The following GIGYF1 variants were observed in gnomAD, a reference collection of about 807,000 sequenced individuals.
GIGYF1 encodes the protein GRB10-interacting GYF protein 1.
Under a neutral mutation model 147.1 loss-of-function variants are expected in GIGYF1, and 84 were observed. The ratio of observed to expected loss-of-function variants is 0.57; its 90% CI spans 0.48 to 0.68. The LOEUF (loss-of-function observed/expected upper bound fraction) is 0.68, where lower values mean the gene tolerates loss of function less well. GIGYF1 is among the 30% of genes least tolerant of loss of function. The pLI is 0.00. For missense variants in GIGYF1, 1,485 were observed against 1,393.7 expected (o/e 1.07, Z -1.04); for synonymous variants, 752 against 589.5 (o/e 1.28, Z -3.99).
chr7:100,686,665 C>G lies in GIGYF1; in HGVS notation c.678G>C (p.Trp226Cys). 6.2e-7 allele frequency: 1 copy of G among 1,612,218 alleles called. No homozygotes were observed. The highest frequency in any genetic ancestry group is 1.7e-5 in the Admixed American group (1 of 59,900). The change falls in exon 10 of 27, where the codon TGG becomes TGC. Residue 226 changes from tryptophan (W) to cysteine (C), a missense_variant. By Grantham distance (215) the Trp-to-Cys change is radical (BLOSUM62 -2). Coordinates refer to ENST00000678049, the MANE Select transcript of GIGYF1 (RefSeq NM_001375765.1). ...GAGPRRDGDR[W>C]RSASPDGGPR... is the part of the protein sequence containing the mutation. ...CAATCTCACCAGGGCTGGCGGAGCGCCAGCGGTCGCCGTCTCGCCGGGGCC... is the reference window on the plus strand; with the variant it reads ...CAATCTCACCAGGGCTGGCGGAGCGGCAGCGGTCGCCGTCTCGCCGGGGCC...
Position 100,689,875 on chromosome 7 carries a change from C to G in GIGYF1, c.-1098-320G>C, listed in dbSNP as rs78150911. On this transcript the variant is annotated intron_variant, in intron 1 of 26. Coordinates refer to ENST00000678049, the MANE Select transcript of GIGYF1 (RefSeq NM_001375765.1). ...GGACATCACGCTAAGAGAAACACAC[C>G]AGCCAAAAAAGGAGAGCTACCCCTT... Among the ~76,000 whole-genome samples the G allele has an allele frequency of 7.2e-3, 1,091 of 152,206 alleles. 31 individuals carry two copies. In the East Asian group the frequency reaches 0.097, roughly 13 times the overall value.
rs1352959251 is a variant in GIGYF1 at position 100,690,960 on chromosome 7, CAG to C, written c.-1098-1407_-1098-1406del. ...CAGACTGAGGACAGCGACACCAAGA[CAG>C]GGGAGAGAGCAGGCCCAGAGCAGGA... On this transcript the variant is annotated intron_variant, in intron 1 of 26. Transcript: ENST00000678049. 4.6e-5 allele frequency among the ~76,000 whole-genome samples: 7 copies of C among 152,008 alleles called. No individual in the cohort carries two copies. In the East Asian group the frequency reaches 5.8e-4, roughly 13 times the overall value.
chr7:100,691,757 A>C (rs1584512684), intron 1 of GIGYF1, among the ~76,000 whole-genome samples: 17 of 143,358 alleles, frequency 1.2e-4, no homozygotes, highest in South Asian at 9.5e-4. Context: ...CCCCTTCCCC[A>C]CCCCTTCTCT....
intron 8 of GIGYF1, 60 bp downstream of exon 8, chr7:100,687,238 G>A: frequency 6.5e-7 from 1 of 1,529,480 alleles, no homozygotes; most frequent in Non-Finnish European, 9.0e-7. Flanking sequence ...CTAGCGACAG[G>A]GCCCAGGCCT....
At chr7:100,687,068 G>A (rs764094681) in intron 8 of GIGYF1, 22 bp from the exon 9 acceptor site, 1 of 1,613,794 alleles carries the variant, frequency 6.2e-7, no homozygotes, top group South Asian at 1.1e-5. Context: ...GAAACGTGTG[G>A]GTCAGAAACA....
At position 100,688,251 on chromosome 7, in the gene GIGYF1, C is replaced by A. The variant is rs766489684; in HGVS notation, c.-13G>T. ...TCTCTGCTGCCATCGTGGGGCTGGG[C>A]GTGTTTGAGAGGCCGGGGGTGGGGA... On this transcript the variant is annotated 5_prime_UTR_variant, in exon 4 of 27. Coordinates refer to ENST00000678049, the MANE Select transcript of GIGYF1 (RefSeq NM_001375765.1). 8.4e-6 allele frequency: 9 copies of A among 1,068,348 alleles called. No homozygotes were observed. The highest frequency in any genetic ancestry group is 7.8e-5 in the East Asian group (2 of 25,736). The allele number at this position is 1,068,348 out of a possible 1,614,324, so 66.2% of individuals were successfully genotyped here.
chr7:100,688,455 G>C lies in GIGYF1; in HGVS notation c.-74C>G, dbSNP rs775038781. On this transcript the variant is annotated 5_prime_UTR_variant, in exon 3 of 27. Transcript: ENST00000678049. ...CTGGGGTCTAAAAGGACTCACCTGA[G>C]CCAGCCACGTGGCCACTCACACCAT... 4.3e-5 allele frequency: 30 copies of C among 697,606 alleles called. No homozygotes were observed. In the South Asian group the frequency reaches 4.4e-4, roughly 10 times the overall value. The allele number at this position is 697,606 out of a possible 1,614,324, so 43.2% of individuals were successfully genotyped here. A position where few individuals can be genotyped will look rare whatever the true frequency, so the allele number is the denominator to read the frequency against.
chr7:100,691,297 G>A (rs1272018947), intron 1 of GIGYF1, among the ~76,000 whole-genome samples: 1 of 152,168 alleles, frequency 6.6e-6, no homozygotes, highest in Non-Finnish European at 1.5e-5. Context: ...GATACCAAGT[G>A]CGCCAGTGCT....
chr7:100,684,694 T>C, intron 15 of GIGYF1, 29 bp downstream of exon 15: 1 of 1,611,030 alleles, frequency 6.2e-7, no homozygotes, highest in Non-Finnish European at 8.5e-7. Context: ...AGAACGGCCT[T>C]GAGCAGCCCT....
Position 100,681,723 on chromosome 7 carries a change from T to C in GIGYF1, c.3104A>G (p.Tyr1035Cys), listed in dbSNP as rs1391944369. 1.6e-5 allele frequency: 25 copies of C among 1,568,412 alleles called. No homozygotes were observed. Among genetic ancestry groups the C allele is most frequent in the Non-Finnish European group, 2.0e-5 (23 of 1,156,940 alleles). ...SSGEIESVDD[Y>C] ...GGGGCTGGGGGTCCGGGCTGGTCAGTAGTCATCCACGCTCTCGATCTCACC... is the reference window on the plus strand; with the variant it reads ...GGGGCTGGGGGTCCGGGCTGGTCAGCAGTCATCCACGCTCTCGATCTCACC... The change falls in exon 27 of 27, where the codon TAC becomes TGC. Residue 1035 changes from tyrosine to cysteine, a missense_variant. Transcript: ENST00000678049.
In GIGYF1 at chr7:100,683,055, G is replaced by A; in HGVS notation, c.2369C>T (p.Pro790Leu). 3 of 1,574,982 alleles carry A rather than the reference G, an allele frequency of 1.9e-6. No individual in the cohort carries two copies. Among genetic ancestry groups the A allele is most frequent in the Non-Finnish European group, 2.6e-6 (3 of 1,166,758 alleles). The change falls in exon 22 of 27, where the codon CCA becomes CTA. Residue 790 changes from proline to leucine, a missense_variant. Pro to Leu is a moderately conservative substitution (Grantham distance 98). Transcript: ENST00000678049. ...CTGGGCCCGAGCTGGCTCCCGAGGT[G>A]GGGGCTGTTTGTGCAGCTGCCGCTC... ...EGERQLHKQP[P>L]PREPARAQAP...
chr7:100,682,262 G>C (rs745664883), intron 24 of GIGYF1, 27 bp from the exon 25 acceptor site: 13 of 1,608,028 alleles, frequency 8.1e-6, no homozygotes, highest in Middle Eastern at 1.7e-4. Context: ...GGCTGTCAGG[G>C]CCCCCTGGCC....
At chr7:100,688,173 C>T (rs754667160) in intron 4 of GIGYF1, 31 bp downstream of exon 4, 1 of 1,610,856 alleles carries the variant, frequency 6.2e-7, no homozygotes, top group Non-Finnish European at 8.5e-7. Context: ...TTTCTCGAAT[C>T]TCCACGGCAG....
Position 100,688,103 on chromosome 7 carries a change from C to A in GIGYF1, c.43G>T (p.Ala15Ser). ...TLNFGPEWLR[A>S]LSGGGSVASP... ...GCCACGCTGCCGCCCCCGGACAGGG[C>A]CCTGAGCCTGGACACAACACAGAGA... Residue 15 changes from alanine (A) to serine (S), a missense_variant, in exon 5 of 27, where the codon GCC becomes TCC. Ala to Ser is a moderately conservative substitution (Grantham distance 99). Coordinates refer to ENST00000678049, the MANE Select transcript of GIGYF1 (RefSeq NM_001375765.1). 6.2e-7 allele frequency: 1 copy of A among 1,607,664 alleles called. No individual in the cohort carries two copies. The highest frequency in any genetic ancestry group is 8.5e-7 in the Non-Finnish European group (1 of 1,176,506).
In GIGYF1 at chr7:100,688,265, C is replaced by T. The variant is rs2272572; in HGVS notation, c.-27G>A. 0.33 allele frequency: 351,360 copies of T among 1,068,000 alleles called. 40,946 individuals are homozygous for T. Among genetic ancestry groups the T allele is most frequent in the Non-Finnish European group, 0.38 (274,153 of 727,370 alleles). 66.2% of individuals were successfully genotyped at this position (1,068,000 alleles called of 1,614,324 possible). A position where few individuals can be genotyped will look rare whatever the true frequency, so the allele number is the denominator to read the frequency against. On this transcript the variant is annotated 5_prime_UTR_variant, in exon 4 of 27. Transcript: ENST00000678049. The stretch of plus-strand genomic sequence containing the variant: ...GTGGGGCTGGGCGTGTTTGAGAGGC[C>T]GGGGGTGGGGAGGAGGGGACCTGGC...
chr7:100,680,165 C>CAGAAAA lies in GIGYF1; in HGVS notation c.*1553_*1554insTTTTCT, dbSNP rs1804591599. On this transcript the variant is annotated 3_prime_UTR_variant, in exon 27 of 27. Coordinates refer to ENST00000678049, the MANE Select transcript of GIGYF1 (RefSeq NM_001375765.1). ...CACTGACCTAGTTGCCACTTTGGTG[C>CAGAAAA]AAAAAAAAAAAAAAAAAAAAAAAAA... 1 of 69,640 alleles carries CAGAAAA rather than the reference C, an allele frequency of 1.4e-5. No individual in the cohort carries two copies. The highest frequency in any genetic ancestry group is 2.6e-5 in the Non-Finnish European group (1 of 38,720). The allele number at this position is 69,640 out of a possible 1,614,324, so 4.3% of individuals were successfully genotyped here.
chr7:100,681,910 C>A lies in GIGYF1; in HGVS notation c.3009G>T (p.Lys1003Asn). Reference protein sequence around the residue: ...STKLGPGEGSKAKRRALMLHS... With the variant: ...STKLGPGEGSNAKRRALMLHS... Reference sequence around the variant, plus strand: ...GCAGCATCAGTGCCCGCCTCTTGGCCTTGCTGCCCTCCCCGGGGCCGAGTT... The same window carrying A: ...GCAGCATCAGTGCCCGCCTCTTGGCATTGCTGCCCTCCCCGGGGCCGAGTT... Residue 1003 changes from lysine to asparagine, a missense_variant, in exon 26 of 27, where the codon AAG becomes AAT. Physicochemically the swap from Lys to Asn is moderately conservative, Grantham distance 94. Coordinates refer to ENST00000678049, the MANE Select transcript of GIGYF1 (RefSeq NM_001375765.1). 1 of 1,611,442 alleles carries A rather than the reference C, an allele frequency of 6.2e-7. No homozygotes were observed. Among genetic ancestry groups the A allele is most frequent in the Non-Finnish European group, 8.5e-7 (1 of 1,179,972 alleles).
Position 100,684,600 on chromosome 7 carries a change from C to G in GIGYF1, c.1479G>C (p.Gln493His). The change falls in exon 16 of 27, where the codon CAG becomes CAC. Residue 493 changes from glutamine (Q) to histidine (H), a missense_variant. Physicochemically the swap from Gln to His is conservative, Grantham distance 24. Coordinates refer to ENST00000678049, the MANE Select transcript of GIGYF1 (RefSeq NM_001375765.1). ...CGGCCTGGAACCACTCTGCCATCTC[C>G]TGTGTCGTGAAGGGGCCTGGACAGG... ...QGEIQGPFTT[Q>H]EMAEWFQAGY... is the part of the protein sequence containing the mutation. The G allele has an allele frequency of 6.2e-7, 1 of 1,614,204 alleles. No individual in the cohort carries two copies. The highest frequency in any genetic ancestry group is 8.5e-7 in the Non-Finnish European group (1 of 1,180,042).
chr7:100,685,437 T>C lies in GIGYF1; in HGVS notation c.1099A>G (p.Ser367Gly). The C allele has an allele frequency of 6.3e-7, 1 of 1,593,574 alleles. No homozygotes were observed. The highest frequency in any genetic ancestry group is 1.4e-5 in the African/African-American group (1 of 73,510). ...TPLPPQEEKS[S>G]SPSPLPTLGP... ...AGGGTGGGCAGTGGGGATGGGGAGC[T>C]GGACTTCTCCTCCTGAGGAGGCAGT... The change falls in exon 13 of 27, where the codon AGC becomes GGC. Residue 367 changes from serine to glycine, a missense_variant. Physicochemically the swap from Ser to Gly is moderately conservative, Grantham distance 56. Transcript: ENST00000678049.
Sources: allele counts gnomAD v4.1 joint callset (sites outside exome capture counted in the v4.1 genomes callset), GRCh38; gene constraint gnomAD v4.1.1; transcripts MANE v1.5; gene names NCBI Gene and HGNC (gene_info 2026-07-23, HGNC 2026-07-21).